Variants in REEP4 observed in about 807,000 individuals in gnomAD.
REEP4 encodes the protein receptor expression-enhancing protein 4.
REEP4 carries 17 observed loss-of-function variants against 33.5 expected under a neutral mutation model. The observed-to-expected ratio is 0.51, with a 90% CI of 0.35 to 0.76. The LOEUF (loss-of-function observed/expected upper bound fraction) is 0.76. Among genes scored for constraint, REEP4 ranks in the 30% least tolerant of loss-of-function variants. REEP4 has a pLI of 0.01. For synonymous variants in REEP4, 157 were observed against 142.9 expected, an observed-to-expected ratio of 1.10 and a Z score of -0.70; for missense variants, 340 against 357.9, an observed-to-expected ratio of 0.95 and a Z score of 0.40.
chr8:22,139,559 G>A, intron 4 of REEP4, 30 bp from the exon 5 acceptor site: 1 of 1,538,596 alleles, frequency 6.5e-7, no homozygotes, highest in Non-Finnish European at 8.9e-7. Context: ...GAGAGCTCAG[G>A]TGGACAGCCA....
rs541986565 is a variant in REEP4 at position 22,138,387 on chromosome 8, C to T, written c.*100G>A. The T allele has an allele frequency of 8.6e-6, 12 of 1,393,962 alleles. No individual in the cohort carries two copies. The highest frequency in any genetic ancestry group is 1.1e-5 in the Non-Finnish European group (11 of 994,882). The allele number at this position is 1,393,962 out of a possible 1,614,324, so 86.3% of individuals were successfully genotyped here. ...AGGAGTCAGGAGGGTGGGGCCCAGG[C>T]AGCTGGTGCAGGCAGGCCAGATGTG... On this transcript the variant is annotated 3_prime_UTR_variant, in exon 8 of 8. Coordinates refer to ENST00000306306, the MANE Select transcript of REEP4 (RefSeq NM_025232.4).
In REEP4 at chr8:22,138,665, C is replaced by A. The variant is rs757041170; in HGVS notation, c.682G>T (p.Val228Phe). 1 of 1,613,912 alleles carries A rather than the reference C, an allele frequency of 6.2e-7. No homozygotes were observed. Among genetic ancestry groups the A allele is most frequent in the Non-Finnish European group, 8.5e-7 (1 of 1,180,020 alleles). ...TCCCGCACCGGTGGCTTCCTCTTGA[C>A]CACACGCAGGCTCTGGCTGCGGATT... is the stretch of plus-strand genomic sequence containing the variant. Reference protein sequence around the residue: ...PLIRSQSLRVVKRKPPVREGT... With the variant: ...PLIRSQSLRVFKRKPPVREGT... The change falls in exon 7 of 8, where the codon GTC becomes TTC. Residue 228 changes from valine (V) to phenylalanine (F), a missense_variant. Val to Phe is a conservative substitution (Grantham distance 50). Transcript: ENST00000306306.
chr8:22,138,441 G>T lies in REEP4; in HGVS notation c.*46C>A. The T allele has an allele frequency of 6.2e-7, 1 of 1,604,906 alleles. No individual in the cohort carries two copies. On this transcript the variant is annotated 3_prime_UTR_variant, in exon 8 of 8. Transcript: ENST00000306306. ...CCCAAGGTCCCTCCAAATAGCCCTG[G>T]AGCCCTGCAGGGCACGAGGTAAGAA...
At position 22,140,159 on chromosome 8, in the gene REEP4, C is replaced by T. The variant is rs1414551020; in HGVS notation, c.182+13G>A. 2.5e-6 allele frequency: 4 copies of T among 1,613,992 alleles called. No individual in the cohort carries two copies. In the South Asian group the frequency reaches 3.3e-5, roughly 13 times the overall value. On this transcript the variant is annotated intron_variant, in intron 3 of 7. Coordinates refer to ENST00000306306, the MANE Select transcript of REEP4 (RefSeq NM_025232.4). ...CACCCCTGACCCATGGCTTGCGGACCCTGCGTCCATACCAGGAGATAAAAA... is the reference window on the plus strand; with the variant it reads ...CACCCCTGACCCATGGCTTGCGGACTCTGCGTCCATACCAGGAGATAAAAA...
In REEP4 at chr8:22,141,595, C is replaced by A. The variant is rs1016963437; in HGVS notation, c.-113G>T. ...CAGTTGCGGGAAGCAGAGGGGCGATCCGGCTGTCCCTCGGCGGAGGCAGAG... is the reference window on the plus strand; with the variant it reads ...CAGTTGCGGGAAGCAGAGGGGCGATACGGCTGTCCCTCGGCGGAGGCAGAG... On this transcript the variant is annotated 5_prime_UTR_variant, in exon 1 of 8. Coordinates refer to ENST00000306306, the MANE Select transcript of REEP4 (RefSeq NM_025232.4). 35 of 1,129,228 alleles carry A rather than the reference C, an allele frequency of 3.1e-5. No homozygotes were observed. Among genetic ancestry groups the A allele is most frequent in the Non-Finnish European group, 4.4e-5 (35 of 804,418 alleles). 70.0% of individuals were successfully genotyped at this position (1,129,228 alleles called of 1,614,324 possible). A position where few individuals can be genotyped will look rare whatever the true frequency, so the allele number is the denominator to read the frequency against.
rs371542385 is a variant in REEP4 at position 22,139,462 on chromosome 8, C to T, written c.371G>A (p.Arg124Gln). ...SYETVLSFGKRGLNIAASAAV... is the reference protein window; with the variant it reads ...SYETVLSFGKQGLNIAASAAV... ...AGCGGAGGCGGCAATGTTGAGGCCC[C>T]GCTTCCCGAAGCTGAGCACGGTCTC... The change falls in exon 5 of 8, where the codon CGG becomes CAG. Residue 124 changes from arginine to glutamine, a missense_variant. Physicochemically the swap from Arg to Gln is conservative, Grantham distance 43. Transcript: ENST00000306306. The T allele has an allele frequency of 1.7e-5, 27 of 1,610,052 alleles. No homozygotes were observed. Among genetic ancestry groups the T allele is most frequent in the Middle Eastern group, 1.7e-4 (1 of 6,060 alleles).
At chr8:22,141,232 G>C (rs926428714) in intron 1 of REEP4, among the ~76,000 whole-genome samples, 1 of 152,264 alleles carries the variant, frequency 6.6e-6, no homozygotes, top group Admixed American at 6.5e-5. Context: ...TGTGTGTGGC[G>C]TGCGGCAGGG....
At position 22,139,053 on chromosome 8, in the gene REEP4, C is replaced by G. The variant is rs745864167; in HGVS notation, c.426G>C (p.Gly142=). The G allele has an allele frequency of 1.1e-5, 18 of 1,570,298 alleles. No individual in the cohort carries two copies. The South Asian group carries it at 1.8e-4, about 16-fold the overall frequency. Residue 142 remains glycine (G), a synonymous_variant, in exon 6 of 8, where the codon GGG becomes GGC. Transcript: ENST00000306306. ...AGCTCCGCAGCCTGCCGGCCAGCGC[C>G]CCCTGACTCTGCGAGGGGGAAGAGG... ...AAVQAATKSQ[G]ALAGRLRSFS...
rs747172187 is a variant in REEP4, at chr8:22,140,612, C to T, written c.105+13G>A. Reference sequence around the variant, plus strand: ...CCAAGTCCTATTAAACACACCCAAACCCCCACGCTCACATATTCACGAATG... The same window carrying T: ...CCAAGTCCTATTAAACACACCCAAATCCCCACGCTCACATATTCACGAATG... On this transcript the variant is annotated intron_variant, in intron 2 of 7. Coordinates refer to ENST00000306306, the MANE Select transcript of REEP4 (RefSeq NM_025232.4). 3.8e-5 allele frequency: 62 copies of T among 1,611,190 alleles called. No individual in the cohort carries two copies. In the East Asian group the frequency reaches 1.3e-3, roughly 35 times the overall value.
In REEP4 at chr8:22,138,261, G is replaced by A. The variant is rs1217760718; in HGVS notation, c.*226C>T. On this transcript the variant is annotated 3_prime_UTR_variant, in exon 8 of 8. Transcript: ENST00000306306. ...CCGGGGAAGGGAGAGGGCAGAGCAA[G>A]GCAATAAATAGAACCCTGGGCCCAG... The A allele has an allele frequency of 1.5e-6, 1 of 684,240 alleles. No individual in the cohort carries two copies. The highest frequency in any genetic ancestry group is 2.7e-6 in the Non-Finnish European group (1 of 376,840). The allele number at this position is 684,240 out of a possible 1,614,324, so 42.4% of individuals were successfully genotyped here.
At position 22,140,203 on chromosome 8, in the gene REEP4, C is replaced by T. The variant is rs767128768; in HGVS notation, c.151G>A (p.Ala51Thr). The T allele has an allele frequency of 2.5e-6, 4 of 1,614,170 alleles. No homozygotes were observed. Among genetic ancestry groups the T allele is most frequent in the Non-Finnish European group, 3.4e-6 (4 of 1,180,040 alleles). The stretch of plus-strand genomic sequence containing the variant: ...ATAAAAATGTCTGTAACGATCTCTG[C>T]TGCCATGAAGAGTGCAAAAACAATC... ...YWIVFALFMA[A>T]EIVTDIFISW... The change falls in exon 3 of 8, where the codon GCA becomes ACA. Residue 51 changes from alanine to threonine, a missense_variant. Physicochemically the swap from Ala to Thr is moderately conservative, Grantham distance 58 (BLOSUM62 0). Coordinates refer to ENST00000306306, the MANE Select transcript of REEP4 (RefSeq NM_025232.4).
At chr8:22,139,369 C>T in intron 5 of REEP4, 47 bp downstream of exon 5, 1 of 1,498,476 alleles carries the variant, frequency 6.7e-7, no homozygotes, top group Non-Finnish European at 9.2e-7. Context: ...CCCAAAGGGC[C>T]TTAGGGGTGG....
rs556386966 is a variant in REEP4 at position 22,141,555 on chromosome 8, G to A, written c.-73C>T. On this transcript the variant is annotated 5_prime_UTR_variant, in exon 1 of 8. Transcript: ENST00000306306. ...AGGACGTTCACTCAAGGGCTGGGAC[G>A]GGGGGTGATCAGGGCAGTTGCGGGA... 18 of 1,506,136 alleles carry A rather than the reference G, an allele frequency of 1.2e-5. No homozygotes were observed. The African/African-American group carries it at 1.8e-4, about 15-fold the overall frequency. 93.3% of individuals were successfully genotyped at this position (1,506,136 alleles called of 1,614,324 possible). A position where few individuals can be genotyped will look rare whatever the true frequency, so the allele number is the denominator to read the frequency against.
chr8:22,139,255 G>A, intron 5 of REEP4, 161 bp downstream of exon 5: 1 of 946,666 alleles, frequency 1.1e-6, no homozygotes, highest in South Asian at 1.4e-5. Flanking sequence ...CAGGAAGGAA[G>A]GTCTGACTCC....
In REEP4 at chr8:22,139,662, C is replaced by T. The variant is rs143349536; in HGVS notation, c.304-133G>A. 913 of 769,332 alleles carry T rather than the reference C, an allele frequency of 1.2e-3. 3 individuals carry two copies. Among genetic ancestry groups the T allele is most frequent in the African/African-American group, 0.011 (610 of 57,262 alleles). 47.7% of individuals were successfully genotyped at this position (769,332 alleles called of 1,614,324 possible). The stretch of plus-strand genomic sequence containing the variant: ...CACCTGGTGCCCAGAGCCACAAATC[C>T]GGGCCACAAACACAGACCAAGAGCA... On this transcript the variant is annotated intron_variant, in intron 4 of 7. Transcript: ENST00000306306.
rs1442438774 is a variant in REEP4, at chr8:22,138,948, C to T, written c.531G>A (p.Val177=). Residue 177 remains valine, a synonymous_variant, in exon 6 of 8, where the codon GTG becomes GTA. Coordinates refer to ENST00000306306, the MANE Select transcript of REEP4 (RefSeq NM_025232.4). ...YHDPLYLEDQ[V]SHRRPPIGYR... Reference sequence around the variant, plus strand: ...CACCAATGGGTGGCCTCCGGTGGGACACCTGGTCCTCCAGGTAGAGGGGGT... The same window carrying T: ...CACCAATGGGTGGCCTCCGGTGGGATACCTGGTCCTCCAGGTAGAGGGGGT... The T allele has an allele frequency of 2.5e-6, 4 of 1,599,360 alleles. No individual in the cohort carries two copies. In the East Asian group the frequency reaches 6.7e-5, roughly 27 times the overall value.
chr8:22,140,767 C>T, intron 1 of REEP4, 70 bp from the exon 2 acceptor site: 2 of 1,373,154 alleles, frequency 1.5e-6, no homozygotes, highest in Non-Finnish European at 2.0e-6. Flanking sequence ...TGGCCATTTC[C>T]CCCCACTGGG....
rs775338138 is a variant in REEP4, at chr8:22,138,703, C to T, written c.644G>A (p.Arg215Gln). The change falls in exon 7 of 8, where the codon CGA becomes CAA. Residue 215 changes from arginine (R) to glutamine (Q), a missense_variant. Arg to Gln is a conservative substitution (Grantham distance 43). Transcript: ENST00000306306. ...CTGGCTGCGGATTAGGGGCTTCTCT[C>T]GGGGCCGGGCTGGCGCCCGGGGGAC... ...EAVPRAPARP[R>Q]EKPLIRSQSL... 26 of 1,612,964 alleles carry T rather than the reference C, an allele frequency of 1.6e-5. No individual in the cohort carries two copies. The highest frequency in any genetic ancestry group is 4.4e-5 in the South Asian group (4 of 91,078).
Position 22,140,035 on chromosome 8 carries a change from G to C in REEP4, c.231C>G (p.Leu77=), listed in dbSNP as rs1458975848. The part of the protein sequence containing the change: ...EIKMAFVLWL[L]SPYTKGASLL... The stretch of plus-strand genomic sequence containing the variant: ...GGCTGGCGCCCTTGGTGTAGGGTGA[G>C]AGCAGCCACAGCACGAAGGCCATCT... The change falls in exon 4 of 8, where the codon CTC becomes CTG. Residue 77 remains leucine (L), a synonymous_variant. Transcript: ENST00000306306. 20 of 1,610,800 alleles carry C rather than the reference G, an allele frequency of 1.2e-5. No homozygotes were observed. The highest frequency in any genetic ancestry group is 5.3e-5 in the African/African-American group (4 of 74,834).
Sources: gnomAD v4.1 joint callset for allele counts (sites outside exome capture counted in the v4.1 genomes callset) on GRCh38, gnomAD v4.1.1 for gene constraint, MANE v1.5 for transcripts, NCBI Gene and HGNC (gene_info 2026-07-23, HGNC 2026-07-21) for gene names.